Variants in SGK3 observed in about 807,000 individuals in gnomAD.
The protein encoded by SGK3 is serum/glucocorticoid regulated kinase family member 3.
SGK3 carries 47 observed loss-of-function variants against 68.5 expected under a neutral mutation model. That is an observed-to-expected ratio of 0.69 (90% CI 0.54 to 0.87). The LOEUF is 0.87. Ranked by LOEUF, SGK3 falls within the 40% of genes least tolerant of loss-of-function variation. The pLI, the probability that SGK3 is intolerant of heterozygous loss-of-function variation, is 0.00. For synonymous variants in SGK3, 181 were observed against 189.1 expected (o/e 0.96, Z 0.35); for missense variants, 479 against 575.5 (o/e 0.83, Z 1.72).
chr8:66,732,755 G>A (rs1311302590), intron 1 of SGK3, among the ~76,000 whole-genome samples: 1 of 152,126 alleles, frequency 6.6e-6, no homozygotes, highest in Non-Finnish European at 1.5e-5. Context: ...TGAGGCAGGA[G>A]AATTGCTTGA....
intron 1 of SGK3, among the ~76,000 whole-genome samples, chr8:66,749,526 A>AT (rs1805751453): frequency 6.6e-6 from 1 of 152,168 alleles, no homozygotes; most frequent in Non-Finnish European, 1.5e-5. Flanking sequence ...CTATTGGTGA[A>AT]TGTGAGCAAG....
At chr8:66,721,520 C>T (rs1170343675) in intron 1 of SGK3, among the ~76,000 whole-genome samples, 1 of 152,132 alleles carries the variant, frequency 6.6e-6, no homozygotes, top group Non-Finnish European at 1.5e-5. Context: ...TGGGAAGAAA[C>T]ATAGACATTA....
At position 66,860,667 on chromosome 8, in the gene SGK3, ATTATAT is replaced by A. The variant is rs953261422; in HGVS notation, c.*1091_*1096del. 9 of 152,156 alleles carry A rather than the reference ATTATAT, an allele frequency of 5.9e-5. 1 individual carries two copies. The highest frequency in any genetic ancestry group is 1.9e-4 in the African/African-American group (8 of 41,444). The allele number at this position is 152,156 out of a possible 1,614,324, so 9.4% of individuals were successfully genotyped here. On this transcript the variant is annotated 3_prime_UTR_variant, in exon 17 of 17. Transcript: ENST00000521198. ...TGTCATATATTTATATTACAAATAC[ATTATAT>A]TTATGTTCTATTCATCTTTTGAATG...
intron 16 of SGK3, among the ~76,000 whole-genome samples, chr8:66,855,375 G>A (rs1163545005): frequency 6.6e-6 from 1 of 152,034 alleles, no homozygotes; most frequent in Non-Finnish European, 1.5e-5. Context: ...GCTAATTTTT[G>A]TATTTTTAGT....
intron 7 of SGK3, among the ~76,000 whole-genome samples, chr8:66,829,090 G>A (rs1433625551): frequency 2.0e-5 from 3 of 151,934 alleles, no homozygotes; most frequent in Admixed American, 2.0e-4. Context: ...TTGACATTCT[G>A]CTGGTGTTTG....
In SGK3 at chr8:66,836,042, T is replaced by A; in HGVS notation, c.709T>A (p.Tyr237Asn). The change falls in exon 10 of 17, where the codon TAT becomes AAT. Residue 237 changes from tyrosine to asparagine, a missense_variant. Physicochemically the swap from Tyr to Asn is moderately radical, Grantham distance 143. Around this residue, in one of 3 missense-constraint regions of SGK3, gnomAD observed 298 missense variants for 329.4 expected, o/e 0.90. Coordinates refer to ENST00000521198, the MANE Select transcript of SGK3 (RefSeq NM_001033578.3). ...HYSFQTTEKL[Y>N]FVLDFVNGGE... ...TTCCTTCCAAACAACTGAAAAGCTTTATTTTGTTCTGGATTTTGTTAATGG... is the reference window on the plus strand; with the variant it reads ...TTCCTTCCAAACAACTGAAAAGCTTAATTTTGTTCTGGATTTTGTTAATGG... The A allele has an allele frequency of 6.2e-7, 1 of 1,613,606 alleles. No homozygotes were observed. Among genetic ancestry groups the A allele is most frequent in the Non-Finnish European group, 8.5e-7 (1 of 1,179,792 alleles).
intron 16 of SGK3, among the ~76,000 whole-genome samples, chr8:66,853,759 T>C (rs1810392682): frequency 6.6e-6 from 1 of 152,186 alleles, no homozygotes; most frequent in Non-Finnish European, 1.5e-5. Flanking sequence ...TTTATCCTAA[T>C]AAGAATTGGT....
At chr8:66,858,154 G>A (rs1810599506) in intron 16 of SGK3, among the ~76,000 whole-genome samples, 3 of 152,112 alleles carry the variant, frequency 2.0e-5, no homozygotes, top group South Asian at 2.1e-4. Context: ...ATGGACAGGC[G>A]TTTTATGGAA....
chr8:66,825,929 G>A (rs537227673), intron 6 of SGK3, among the ~76,000 whole-genome samples: 2 of 152,096 alleles, frequency 1.3e-5, no homozygotes, highest in South Asian at 4.1e-4. Flanking sequence ...TACTTCAGGG[G>A]ACAAGTTGTT....
intron 1 of SGK3, among the ~76,000 whole-genome samples, chr8:66,774,003 T>C (rs968105891): frequency 6.6e-6 from 1 of 152,142 alleles, no homozygotes; most frequent in Non-Finnish European, 1.5e-5. Flanking sequence ...CCCTGAAGCT[T>C]TTTCTAAAAA....
At chr8:66,751,834 C>T (rs769261937) in intron 1 of SGK3, among the ~76,000 whole-genome samples, 32 of 151,860 alleles carry the variant, frequency 2.1e-4, no homozygotes, top group Non-Finnish European at 3.4e-4. Context: ...GGCGCGATCT[C>T]GGCTCACCGC....
At chr8:66,802,995 T>G (rs1308521864) in intron 3 of SGK3, among the ~76,000 whole-genome samples, 1 of 152,206 alleles carries the variant, frequency 6.6e-6, no homozygotes, top group Non-Finnish European at 1.5e-5. Flanking sequence ...AGATAAAGAT[T>G]CTTAAAAACA....
chr8:66,778,241 C>T (rs534139825), intron 1 of SGK3, among the ~76,000 whole-genome samples: 1 of 152,332 alleles, frequency 6.6e-6, no homozygotes, highest in African/African-American at 2.4e-5. Flanking sequence ...TGCACACACA[C>T]ATTTCAGTTT....
intron 16 of SGK3, among the ~76,000 whole-genome samples, chr8:66,852,556 C>T (rs539992437): frequency 3.3e-5 from 5 of 152,196 alleles, no homozygotes; most frequent in South Asian, 2.1e-4. Flanking sequence ...TGGGATTACA[C>T]GCATGAGCTA....
At chr8:66,740,160 A>T (rs1366379341) in intron 1 of SGK3, among the ~76,000 whole-genome samples, 1 of 152,256 alleles carries the variant, frequency 6.6e-6, no homozygotes, top group Non-Finnish European at 1.5e-5. Flanking sequence ...GTACTTCTGT[A>T]GTCCATAAGG....
chr8:66,720,475 A>G (rs1420058242), intron 1 of SGK3, among the ~76,000 whole-genome samples: 1 of 152,144 alleles, frequency 6.6e-6, no homozygotes, highest in Admixed American at 6.5e-5. Context: ...TCTACAAAAA[A>G]TATAAAAAAT....
intron 1 of SGK3, among the ~76,000 whole-genome samples, chr8:66,721,706 T>A (rs1288553666): frequency 6.6e-6 from 1 of 152,018 alleles, no homozygotes; most frequent in African/African-American, 2.4e-5. Context: ...TTTGCTCATG[T>A]CATTGCAACA....
At chr8:66,795,727 CA>C (rs1384957367) in intron 2 of SGK3, among the ~76,000 whole-genome samples, 3 of 152,170 alleles carry the variant, frequency 2.0e-5, no homozygotes, top group African/African-American at 7.2e-5. Context: ...CTATCTAAAT[CA>C]CCTTATTCGT....
chr8:66,788,560 G>A (rs192621445), intron 1 of SGK3, among the ~76,000 whole-genome samples: 135 of 152,286 alleles, frequency 8.9e-4, no homozygotes, highest in Non-Finnish European at 1.6e-3. Context: ...AGCTTTCATT[G>A]CTCTAGAACC....
Sources: gnomAD v4.1 joint callset for allele counts (sites outside exome capture counted in the v4.1 genomes callset) on GRCh38, gnomAD v4.1.1 for gene constraint, gnomAD v4.1.1 regional missense constraint, MANE v1.5 for transcripts, NCBI Gene and HGNC (gene_info 2026-07-23, HGNC 2026-07-21) for gene names.